Variants in TBRG1 observed in about 807,000 individuals in gnomAD.
TBRG1 encodes the protein nuclear interactor of ARF and MDM2.
Under a neutral mutation model 44.0 loss-of-function variants are expected in TBRG1, and 31 were observed. That is an observed-to-expected ratio of 0.70 (90% confidence interval 0.53 to 0.95). The LOEUF (loss-of-function observed/expected upper bound fraction) is 0.95. TBRG1 is among the 40% of genes least tolerant of loss of function. TBRG1 has a pLI of 0.00. For missense variants in TBRG1, 487 were observed against 496.1 expected (o/e 0.98, Z 0.18); for synonymous variants, 171 against 188.1 (o/e 0.91, Z 0.74).
Position 124,632,486 on chromosome 11 carries a change from C to T in TBRG1, c.*248C>T. 1 of 346,858 alleles carries T rather than the reference C, an allele frequency of 2.9e-6. No individual in the cohort carries two copies. Among genetic ancestry groups the T allele is most frequent in the Non-Finnish European group, 5.3e-6 (1 of 187,854 alleles). 21.5% of individuals were successfully genotyped at this position (346,858 alleles called of 1,614,324 possible). ...TCGGGATGTAATCTTTTTTGCTTAG[C>T]TCTGCCTGAGGTAAAGTAAACTTCA... On this transcript the variant is annotated 3_prime_UTR_variant, in exon 9 of 9. Transcript: ENST00000441174.
In TBRG1 at chr11:124,625,880, G is replaced by T. The variant is rs1232142046; in HGVS notation, c.431G>T (p.Gly144Val). The T allele has an allele frequency of 1.3e-6, 2 of 1,578,772 alleles. No individual in the cohort carries two copies. Among genetic ancestry groups the T allele is most frequent in the African/African-American group, 1.4e-5 (1 of 73,512 alleles). ...ACTAAGAAGGAGAAAAAAGAAAAAG[G>T]CAAAGAGAACAACAAACTGGAAGGT... ...KKTKKEKKEK[G>V]KENNKLEVLK... The change falls in exon 3 of 9, where the codon GGC (glycine) becomes GTC (valine). Residue 144 changes from glycine to valine, a missense_variant. Coordinates refer to ENST00000441174, the MANE Select transcript of TBRG1 (RefSeq NM_032811.3).
chr11:124,626,831 G>A, intron 4 of TBRG1, 73 bp from the exon 5 acceptor site: 1 of 1,559,132 alleles, frequency 6.4e-7, no homozygotes, highest in Non-Finnish European at 8.7e-7. Flanking sequence ...TGGTTCTAAA[G>A]GCTACCACAG....
In TBRG1 at chr11:124,632,224, C is replaced by A; in HGVS notation, c.1222C>A (p.Gln408Lys). 6.2e-7 allele frequency: 1 copy of A among 1,613,812 alleles called. No homozygotes were observed. Among genetic ancestry groups the A allele is most frequent in the Non-Finnish European group, 8.5e-7 (1 of 1,179,792 alleles). Reference sequence around the variant, plus strand: ...GTCTCCATCACAGGGTAGCCCAATTCAGTCTTCAGATTGAACAAGAAGGGA... The same window carrying A: ...GTCTCCATCACAGGGTAGCCCAATTAAGTCTTCAGATTGAACAAGAAGGGA... Reference protein sequence around the residue: ...LKSPSQGSPIQSSD With the variant: ...LKSPSQGSPIKSSD The change falls in exon 9 of 9, where the codon CAG (glutamine) becomes AAG (lysine). Residue 408 changes from glutamine to lysine, a missense_variant. Gln to Lys is a moderately conservative substitution (Grantham distance 53). Coordinates refer to ENST00000441174, the MANE Select transcript of TBRG1 (RefSeq NM_032811.3).
In TBRG1 at chr11:124,632,496, GGT is replaced by G. The variant is rs1371306679; in HGVS notation, c.*259_*260del. The G allele has an allele frequency of 3.2e-6, 1 of 313,966 alleles. No homozygotes were observed. 19.4% of individuals were successfully genotyped at this position (313,966 alleles called of 1,614,324 possible). A position where few individuals can be genotyped will look rare whatever the true frequency, so the allele number is the denominator to read the frequency against. ...ATCTTTTTTGCTTAGCTCTGCCTGA[GGT>G]AAAGTAAACTTCAGCCTCTTATAAA... is the stretch of plus-strand genomic sequence containing the variant. On this transcript the variant is annotated 3_prime_UTR_variant, in exon 9 of 9. Coordinates refer to ENST00000441174, the MANE Select transcript of TBRG1 (RefSeq NM_032811.3).
chr11:124,630,695 C>T, intron 6 of TBRG1, 50 bp from the exon 7 acceptor site: 1 of 1,342,774 alleles, frequency 7.4e-7, no homozygotes. Context: ...TTAAATCCAT[C>T]TTCATCTCCC....
rs1942630421 is a variant in TBRG1 at position 124,632,153 on chromosome 11, A to G, written c.1151A>G (p.Tyr384Cys). The G allele has an allele frequency of 6.2e-7, 1 of 1,613,468 alleles. No individual in the cohort carries two copies. The highest frequency in any genetic ancestry group is 8.5e-7 in the Non-Finnish European group (1 of 1,179,626). The change falls in exon 9 of 9, where the codon TAC (tyrosine) becomes TGC (cysteine). Residue 384 changes from tyrosine (Y) to cysteine (C), a missense_variant. Coordinates refer to ENST00000441174, the MANE Select transcript of TBRG1 (RefSeq NM_032811.3). ...TTTGTGTCTTCTTACCAGCCCATGT[A>G]CCTGACACATGAACCCTTGGTAGAT... is the stretch of plus-strand genomic sequence containing the variant. ...AAFVSSYQPMYLTHEPLVDTH... is the reference protein window; with the variant it reads ...AAFVSSYQPMCLTHEPLVDTH...
In TBRG1 at chr11:124,632,524, CAA is replaced by C. The variant is rs1484115987; in HGVS notation, c.*287_*288del. 3.7e-6 allele frequency: 1 copy of C among 267,644 alleles called. No homozygotes were observed. The highest frequency in any genetic ancestry group is 7.2e-6 in the Non-Finnish European group (1 of 139,670). 16.6% of individuals were successfully genotyped at this position (267,644 alleles called of 1,614,324 possible). A position where few individuals can be genotyped will look rare whatever the true frequency, so the allele number is the denominator to read the frequency against. On this transcript the variant is annotated 3_prime_UTR_variant, in exon 9 of 9. Coordinates refer to ENST00000441174, the MANE Select transcript of TBRG1 (RefSeq NM_032811.3). ...AAAGTAAACTTCAGCCTCTTATAAA[CAA>C]GAGTGATAGAGAGCTGCAGGCTGCT...
intron 5 of TBRG1, among the ~76,000 whole-genome samples, chr11:124,628,611 A>G (rs1010462650): frequency 6.6e-6 from 1 of 151,952 alleles, no homozygotes; most frequent in African/African-American, 2.4e-5. Flanking sequence ...GGGAAATGCA[A>G]ATAAAACAAA....
rs149853544 is a variant in TBRG1, at chr11:124,631,348, G to A, written c.1021G>A (p.Ala341Thr). ...ACCTGAGGGGCTGCCGGAGAATGATGCAGCTATGAGCTTTGAAGCCTTTCA... is the reference window on the plus strand; with the variant it reads ...ACCTGAGGGGCTGCCGGAGAATGATACAGCTATGAGCTTTGAAGCCTTTCA... ...QLPEGLPEND[A>T]AMSFEAFQRQ... Residue 341 changes from alanine (A) to threonine (T), a missense_variant, in exon 8 of 9, where the codon GCA (alanine) becomes ACA (threonine). Transcript: ENST00000441174. The A allele has an allele frequency of 4.3e-5, 70 of 1,613,604 alleles. No homozygotes were observed. The highest frequency in any genetic ancestry group is 5.8e-5 in the Non-Finnish European group (69 of 1,179,752).
Position 124,632,729 on chromosome 11 carries a change from G to C in TBRG1, c.*491G>C, listed in dbSNP as rs1311519162. ...CCTCACGTGGTAGAAGAGGAAGGCA[G>C]CTCTCCGGGGTCCCTTTTATAAGAT... On this transcript the variant is annotated 3_prime_UTR_variant, in exon 9 of 9. Coordinates refer to ENST00000441174, the MANE Select transcript of TBRG1 (RefSeq NM_032811.3). The C allele has an allele frequency of 6.5e-6, 1 of 153,878 alleles. No homozygotes were observed. Among genetic ancestry groups the C allele is most frequent in the African/African-American group, 2.4e-5 (1 of 41,440 alleles). 9.5% of individuals were successfully genotyped at this position (153,878 alleles called of 1,614,324 possible).
In TBRG1 at chr11:124,630,853, C is replaced by CAAGT; in HGVS notation, c.947+3_947+6dup. On this transcript the variant is annotated frameshift_variant and splice_region_variant, in exon 7 of 9. Transcript: ENST00000441174. LOFTEE classifies it high-confidence loss of function. ...GCTGTCCAGGAGCTCGAAAATGCAT[C>CAAGT]AAGTAAGTGTGATCAAATTCATTCC... 6.4e-7 allele frequency: 1 copy of CAAGT among 1,574,408 alleles called. No homozygotes were observed. The highest frequency in any genetic ancestry group is 8.7e-7 in the Non-Finnish European group (1 of 1,153,658).
At chr11:124,625,124 T>C (rs1480494640) in intron 2 of TBRG1, 123 bp downstream of exon 2, 2 of 659,252 alleles carry the variant, frequency 3.0e-6, no homozygotes, top group African/African-American at 1.8e-5. Flanking sequence ...GCACAGCCCC[T>C]TGGCCACTTG....
chr11:124,630,879 C>T, intron 7 of TBRG1, 24 bp downstream of exon 7: 2 of 1,472,470 alleles, frequency 1.4e-6, no homozygotes, highest in Non-Finnish European at 1.9e-6. Flanking sequence ...AATTCATTCC[C>T]TTGAGAAAAG....
rs1942662823 is a variant in TBRG1 at position 124,633,843 on chromosome 11, C to A, written c.*1605C>A. 1 of 152,112 alleles carries A rather than the reference C, an allele frequency of 6.6e-6. No individual in the cohort carries two copies. Among genetic ancestry groups the A allele is most frequent in the Admixed American group, 6.5e-5 (1 of 15,272 alleles). 9.4% of individuals were successfully genotyped at this position (152,112 alleles called of 1,614,324 possible). On this transcript the variant is annotated 3_prime_UTR_variant, in exon 9 of 9. Transcript: ENST00000441174. ...GCTTTTATCATATAACAAATATTTTCCCACTATTACAGCCTGAGTAATACC... is the reference window on the plus strand; with the variant it reads ...GCTTTTATCATATAACAAATATTTTACCACTATTACAGCCTGAGTAATACC...
chr11:124,626,693 C>G, intron 4 of TBRG1, 84 bp downstream of exon 4: 1 of 1,503,132 alleles, frequency 6.7e-7, no homozygotes, highest in South Asian at 1.2e-5. Context: ...TTCCCATTAG[C>G]AGCAGCCTCT....
In TBRG1 at chr11:124,632,395, A is replaced by T. The variant is rs1942636089; in HGVS notation, c.*157A>T. ...TGTGGTGATGGTTTTCCCTGGGAAAACCTTCAGCTGCTTTATTTTTAGTAA... is the reference window on the plus strand; with the variant it reads ...TGTGGTGATGGTTTTCCCTGGGAAATCCTTCAGCTGCTTTATTTTTAGTAA... On this transcript the variant is annotated 3_prime_UTR_variant, in exon 9 of 9. Coordinates refer to ENST00000441174, the MANE Select transcript of TBRG1 (RefSeq NM_032811.3). 9.7e-6 allele frequency: 5 copies of T among 516,492 alleles called. No individual in the cohort carries two copies. The highest frequency in any genetic ancestry group is 7.2e-5 in the Admixed American group (2 of 27,904). 32.0% of individuals were successfully genotyped at this position (516,492 alleles called of 1,614,324 possible). A position where few individuals can be genotyped will look rare whatever the true frequency, so the allele number is the denominator to read the frequency against.
Position 124,622,880 on chromosome 11 carries a change from C to A in TBRG1, c.-204C>A. On this transcript the variant is annotated 5_prime_UTR_variant, in exon 1 of 9. Transcript: ENST00000441174. ...GAAGGGCTTACTTCCAAGACAGACA[C>A]GGAAGTGCTGGGAGGCGCCGGGAGC... 3.5e-6 allele frequency: 2 copies of A among 564,192 alleles called. No homozygotes were observed. The highest frequency in any genetic ancestry group is 3.5e-5 in the Admixed American group (1 of 28,800). The allele number at this position is 564,192 out of a possible 1,614,324, so 34.9% of individuals were successfully genotyped here. A position where few individuals can be genotyped will look rare whatever the true frequency, so the allele number is the denominator to read the frequency against.
In TBRG1 at chr11:124,632,263, C is replaced by T. The variant is rs761388326; in HGVS notation, c.*25C>T. On this transcript the variant is annotated 3_prime_UTR_variant, in exon 9 of 9. Coordinates refer to ENST00000441174, the MANE Select transcript of TBRG1 (RefSeq NM_032811.3). ...AACAAGAAGGGATCAGATGCCACATCGTTTTTGTCGTGATTAATTTAACTT... is the reference window on the plus strand; with the variant it reads ...AACAAGAAGGGATCAGATGCCACATTGTTTTTGTCGTGATTAATTTAACTT... The T allele has an allele frequency of 3.1e-6, 5 of 1,600,120 alleles. No individual in the cohort carries two copies. Among genetic ancestry groups the T allele is most frequent in the Admixed American group, 1.7e-5 (1 of 57,502 alleles).
chr11:124,626,577 C>A lies in TBRG1; in HGVS notation c.559C>A (p.Leu187Ile), dbSNP rs1942475124. The A allele has an allele frequency of 6.4e-7, 1 of 1,551,586 alleles. No individual in the cohort carries two copies. The highest frequency in any genetic ancestry group is 2.4e-5 in the East Asian group (1 of 40,922). ...AGGACGGCCTGTGTTCCCCATCGGA[C>A]TAGGGGGTCTAACAGTATATAGCCT... ...PSGRPVFPIG[L>I]GGLTVYSLGE... The change falls in exon 4 of 9, where the codon CTA becomes ATA. Residue 187 changes from leucine to isoleucine, a missense_variant. Leu to Ile is a conservative substitution (Grantham distance 5). Transcript: ENST00000441174.
Sources: gnomAD v4.1 joint callset for allele counts (sites outside exome capture counted in the v4.1 genomes callset) on GRCh38, gnomAD v4.1.1 for gene constraint, MANE v1.5 for transcripts, NCBI Gene and HGNC (gene_info 2026-07-23, HGNC 2026-07-21) for gene names.